ZNF423: variants seen among roughly 807,000 people sequenced by gnomAD.
The protein encoded by ZNF423 is zinc finger protein 423, also known as Ebf-associated zinc finger protein.
A neutral mutation model predicts 95.8 loss-of-function variants in ZNF423; 12 were observed. The ratio of observed to expected loss-of-function variants is 0.13; its 90% CI spans 0.08 to 0.20. ZNF423 has a LOEUF of 0.20. ZNF423 is among the 10% of genes least tolerant of loss of function. ZNF423 has a pLI of 1.00. For synonymous variants in ZNF423, 749 were observed against 711.9 expected, an observed-to-expected ratio of 1.05 and a Z score of -0.83; for missense variants, 1,316 against 1,737.1, an observed-to-expected ratio of 0.76 and a Z score of 4.31.
chr16:49,604,302 G>A (rs1320282432), intron 5 of ZNF423, among the ~76,000 whole-genome samples: 1 of 152,180 alleles, frequency 6.6e-6, no homozygotes, highest in Non-Finnish European at 1.5e-5. Flanking sequence ...GCTGAAGACT[G>A]GCCACAGCCA....
At chr16:49,604,308 A>G (rs1390302968) in intron 5 of ZNF423, among the ~76,000 whole-genome samples, 2 of 152,174 alleles carry the variant, frequency 1.3e-5, no homozygotes, top group African/African-American at 4.8e-5. Flanking sequence ...GACTGGCCAC[A>G]GCCACCCTCC....
intron 3 of ZNF423, among the ~76,000 whole-genome samples, chr16:49,687,387 A>G (rs1435757896): frequency 6.6e-6 from 1 of 152,178 alleles, no homozygotes; most frequent in Non-Finnish European, 1.5e-5. Flanking sequence ...CCCCTGGGCT[A>G]GCACTGCAGG....
intron 1 of ZNF423, among the ~76,000 whole-genome samples, chr16:49,819,470 C>A (rs966274315): frequency 2.0e-5 from 3 of 151,396 alleles, no homozygotes; most frequent in Non-Finnish European, 4.4e-5. Context: ...TTTTTTGAGA[C>A]AGAATCTCAC....
chr16:49,839,561 C>G (rs1357862150), intron 1 of ZNF423, among the ~76,000 whole-genome samples: 1 of 152,230 alleles, frequency 6.6e-6, no homozygotes, highest in African/African-American at 2.4e-5. Context: ...GCCTGCATGT[C>G]TGCAGCGGAG....
At chr16:49,642,210 T>C (rs1596775609) in intron 3 of ZNF423, among the ~76,000 whole-genome samples, 2 of 152,166 alleles carry the variant, frequency 1.3e-5, no homozygotes, top group South Asian at 4.1e-4. Context: ...TGCAGTAACA[T>C]TCCCATTTCT....
intron 3 of ZNF423, among the ~76,000 whole-genome samples, chr16:49,664,483 G>GC (rs1436540777): frequency 6.6e-6 from 1 of 152,206 alleles, no homozygotes; most frequent in Non-Finnish European, 1.5e-5. Flanking sequence ...AGGAGTTCTG[G>GC]CTCCCCTGCC....
At chr16:49,800,718 C>T (rs2034569886) in intron 1 of ZNF423, among the ~76,000 whole-genome samples, 1 of 152,232 alleles carries the variant, frequency 6.6e-6, no homozygotes, top group African/African-American at 2.4e-5. Flanking sequence ...CTTCCATCCT[C>T]CCAGGCCCCC....
At chr16:49,742,810 C>G (rs2033442106) in intron 2 of ZNF423, among the ~76,000 whole-genome samples, 1 of 152,098 alleles carries the variant, frequency 6.6e-6, no homozygotes, top group African/African-American at 2.4e-5. Context: ...AAAAAAGGAT[C>G]CCGGTTAGGG....
At chr16:49,588,286 C>T (rs913645077) in intron 5 of ZNF423, among the ~76,000 whole-genome samples, 1 of 152,204 alleles carries the variant, frequency 6.6e-6, no homozygotes, top group Non-Finnish European at 1.5e-5. Flanking sequence ...TGTGTTTGTA[C>T]TCAGTGCATG....
At chr16:49,588,044 G>T (rs1183533687) in intron 5 of ZNF423, among the ~76,000 whole-genome samples, 1 of 152,174 alleles carries the variant, frequency 6.6e-6, no homozygotes, top group Non-Finnish European at 1.5e-5. Flanking sequence ...TATTCCTCTA[G>T]GATAGGAGCT....
intron 7 of ZNF423, among the ~76,000 whole-genome samples, chr16:49,496,551 C>T (rs866935369): frequency 3.9e-5 from 6 of 152,166 alleles, no homozygotes; most frequent in Non-Finnish European, 7.3e-5. Context: ...CAGATGGTGG[C>T]GCCTTGCTTC....
chr16:49,656,952 A>T (rs955450895), intron 3 of ZNF423, among the ~76,000 whole-genome samples: 1 of 152,196 alleles, frequency 6.6e-6, no homozygotes. Context: ...GGCTTTGAAC[A>T]TGGATTCCCT....
At chr16:49,567,849 C>A (rs1162431190) in intron 5 of ZNF423, among the ~76,000 whole-genome samples, 1 of 152,198 alleles carries the variant, frequency 6.6e-6, no homozygotes, top group Non-Finnish European at 1.5e-5. Context: ...AGGGTGGACC[C>A]AGCTCTAAGT....
intron 5 of ZNF423, among the ~76,000 whole-genome samples, chr16:49,577,828 G>A (rs1970545119): frequency 6.6e-6 from 1 of 152,210 alleles, no homozygotes; most frequent in Non-Finnish European, 1.5e-5. Flanking sequence ...GGCCTCTCCA[G>A]GACATAACAG....
chr16:49,572,474 A>G (rs1970382058), intron 5 of ZNF423, among the ~76,000 whole-genome samples: 1 of 152,216 alleles, frequency 6.6e-6, no homozygotes, highest in African/African-American at 2.4e-5. Flanking sequence ...CTCTGGCTGC[A>G]GCACAAATTG....
intron 5 of ZNF423, among the ~76,000 whole-genome samples, chr16:49,609,750 G>A (rs1971661417): frequency 6.6e-6 from 1 of 151,990 alleles, no homozygotes; most frequent in African/African-American, 2.4e-5. Context: ...AAAAAAAAGA[G>A]GGCAGGATTG....
chr16:49,495,996 C>T (rs973395680), intron 7 of ZNF423, among the ~76,000 whole-genome samples: 1 of 152,252 alleles, frequency 6.6e-6, no homozygotes, highest in Non-Finnish European at 1.5e-5. Flanking sequence ...AGCTTCTCCA[C>T]ACACCCTGCT....
intron 5 of ZNF423, among the ~76,000 whole-genome samples, chr16:49,618,316 A>G (rs1291406447): frequency 1.3e-5 from 2 of 152,186 alleles, no homozygotes; most frequent in Non-Finnish European, 2.9e-5. Context: ...AGTAAGCTTC[A>G]TTAGATGGTA....
At chr16:49,579,652 G>A (rs1303174326) in intron 5 of ZNF423, among the ~76,000 whole-genome samples, 1 of 152,092 alleles carries the variant, frequency 6.6e-6, no homozygotes, top group African/African-American at 2.4e-5. Context: ...GCTTGCGTAG[G>A]AGTAACATAA....
Sources: gnomAD v4.1 joint callset for allele counts (sites outside exome capture counted in the v4.1 genomes callset) on GRCh38, gnomAD v4.1.1 for gene constraint, MANE v1.5 for transcripts, NCBI Gene and HGNC (gene_info 2026-07-23, HGNC 2026-07-21) for gene names.